The following WDSUB1 variants were observed in gnomAD, a reference collection of about 807,000 sequenced individuals.
The protein encoded by WDSUB1 is WD repeat, SAM and U-box domain-containing protein 1.
Under a neutral mutation model 53.9 loss-of-function variants are expected in WDSUB1, and 49 were observed. That is an observed-to-expected ratio of 0.91 (90% CI 0.72 to 1.15). WDSUB1 has a LOEUF of 1.15. WDSUB1 is among the 50% of genes most tolerant of loss of function. The pLI is 0.00. For missense variants in WDSUB1, 514 were observed against 562.0 expected, an observed-to-expected ratio of 0.91 and a Z score of 0.86; for synonymous variants, 194 against 200.6, an observed-to-expected ratio of 0.97 and a Z score of 0.28.
Position 159,236,134 on chromosome 2 carries a change from T to G in WDSUB1, c.1330A>C (p.Thr444Pro), listed in dbSNP as rs1208322392. Residue 444 changes from threonine (T) to proline (P), a missense_variant, in exon 11 of 11, where the codon ACA (threonine) becomes CCA (proline). Transcript: ENST00000359774. ...MENWISKKKRTSPMTNLVLPS... is the reference protein window; with the variant it reads ...MENWISKKKRPSPMTNLVLPS... ...AGAACAAGATTTGTCATGGGACTTGTACGTTTCTTTTTGCTGATCCAATTT... is the reference window on the plus strand; with the variant it reads ...AGAACAAGATTTGTCATGGGACTTGGACGTTTCTTTTTGCTGATCCAATTT... The G allele has an allele frequency of 1.2e-6, 2 of 1,613,824 alleles. No homozygotes were observed. Among genetic ancestry groups the G allele is most frequent in the Non-Finnish European group, 1.7e-6 (2 of 1,179,886 alleles).
chr2:159,242,486 C>T lies in WDSUB1; in HGVS notation c.1273+5886G>A, dbSNP rs188506851. Among the ~76,000 whole-genome samples, 10 of 147,000 alleles carry T rather than the reference C, an allele frequency of 6.8e-5. 1 individual carries two copies. In the East Asian group the frequency reaches 2.2e-3, roughly 32 times the overall value. ...GACCATCCTGGCTAACAAGGTGAAA[C>T]CCCATCTCTACTAAAAATACAAAAA... On this transcript the variant is annotated intron_variant, in intron 10 of 10. Coordinates refer to ENST00000359774, the MANE Select transcript of WDSUB1 (RefSeq NM_001128212.3).
intron 10 of WDSUB1, among the ~76,000 whole-genome samples, chr2:159,241,106 G>A (rs774195320): frequency 2.0e-5 from 3 of 152,148 alleles, no homozygotes; most frequent in Admixed American, 6.5e-5. Context: ...AACCCAACAC[G>A]GTGAAGGCTC....
chr2:159,284,413 T>C (rs2061743529), intron 1 of WDSUB1, among the ~76,000 whole-genome samples: 2 of 152,186 alleles, frequency 1.3e-5, no homozygotes, highest in South Asian at 4.1e-4. Flanking sequence ...TCTAATAAAC[T>C]ATCTTAGCTG....
At chr2:159,253,370 C>T (rs1366181470) in intron 9 of WDSUB1, among the ~76,000 whole-genome samples, 1 of 150,316 alleles carries the variant, frequency 6.7e-6, no homozygotes, top group Non-Finnish European at 1.5e-5. Flanking sequence ...CCTAGGCTTC[C>T]ATTAACACAA....
At chr2:159,254,746 A>G (rs2061024419) in intron 9 of WDSUB1, among the ~76,000 whole-genome samples, 1 of 152,240 alleles carries the variant, frequency 6.6e-6, no homozygotes, top group South Asian at 2.1e-4. Context: ...CAAGAAATTA[A>G]GATGCTAAAT....
chr2:159,237,173 C>T (rs2060504744), intron 10 of WDSUB1, among the ~76,000 whole-genome samples: 1 of 152,168 alleles, frequency 6.6e-6, no homozygotes, highest in Admixed American at 6.6e-5. Context: ...TCATCAAGGA[C>T]TAGAGTGGTC....
At chr2:159,268,222 T>C (rs10207982) in intron 5 of WDSUB1, among the ~76,000 whole-genome samples, 86,949 of 152,036 alleles carry the variant, frequency 0.57, 26,183 homozygotes, top group African/African-American at 0.72. Flanking sequence ...AAAGAGGGGA[T>C]TTAAAATGTC....
At chr2:159,280,859 C>A (rs554651562) in intron 2 of WDSUB1, among the ~76,000 whole-genome samples, 1 of 152,114 alleles carries the variant, frequency 6.6e-6, no homozygotes, top group South Asian at 2.1e-4. Flanking sequence ...CTGTTAAAAA[C>A]CCAACAATTA....
intron 9 of WDSUB1, among the ~76,000 whole-genome samples, chr2:159,253,159 T>C (rs2060986349): frequency 6.6e-6 from 1 of 152,212 alleles, no homozygotes; most frequent in Non-Finnish European, 1.5e-5. Context: ...TTCCTACTCT[T>C]AACCTTTCAC....
intron 10 of WDSUB1, among the ~76,000 whole-genome samples, chr2:159,247,910 AATATATATATATATAT>A (rs1300223913): frequency 5.7e-5 from 1 of 17,682 alleles, no homozygotes. Flanking sequence ...TATATATATA[AATATATATATATATAT>A]AAATATATAT....
At chr2:159,236,678 G>A (rs1159634309) in intron 10 of WDSUB1, among the ~76,000 whole-genome samples, 1 of 152,082 alleles carries the variant, frequency 6.6e-6, no homozygotes, top group Non-Finnish European at 1.5e-5. Context: ...TTTGTTTTGA[G>A]ACCAAGTCTC....
chr2:159,251,545 C>T (rs1277545646), intron 9 of WDSUB1, among the ~76,000 whole-genome samples: 1 of 152,164 alleles, frequency 6.6e-6, no homozygotes, highest in African/African-American at 2.4e-5. Flanking sequence ...CGGAACCAAA[C>T]ATCTCCTTTT....
chr2:159,241,377 C>T lies in WDSUB1; in HGVS notation c.1274-5187G>A, dbSNP rs551510329. ...AGGAGTTCAAGACCAGCCTGGCCAA[C>T]GTGGCAAAACCCTGTCTCTACTAAA... On this transcript the variant is annotated intron_variant, in intron 10 of 10. Transcript: ENST00000359774. Among the ~76,000 whole-genome samples the T allele has an allele frequency of 4.6e-5, 7 of 152,296 alleles. No individual in the cohort carries two copies. In the South Asian group the frequency reaches 8.3e-4, roughly 18 times the overall value.
At chr2:159,259,885 C>G in intron 5 of WDSUB1, 42 bp from the exon 6 acceptor site, 1 of 1,447,642 alleles carries the variant, frequency 6.9e-7, no homozygotes. Context: ...TCTATAAAAA[C>G]AAAGTACAGC....
At chr2:159,270,891 T>C (rs1167469930) in intron 5 of WDSUB1, among the ~76,000 whole-genome samples, 1 of 151,684 alleles carries the variant, frequency 6.6e-6, no homozygotes, top group South Asian at 2.1e-4. Context: ...AAGAAAAAGA[T>C]AACCTAGAGA....
intron 9 of WDSUB1, among the ~76,000 whole-genome samples, chr2:159,252,070 A>G (rs2151078040): frequency 6.6e-6 from 1 of 152,266 alleles, no homozygotes; most frequent in South Asian, 2.1e-4. Flanking sequence ...CCTCTCCCCT[A>G]CCCTGACAGA....
intron 2 of WDSUB1, among the ~76,000 whole-genome samples, chr2:159,281,205 A>C (rs1279810584): frequency 1.3e-5 from 2 of 152,138 alleles, no homozygotes. Flanking sequence ...ATGGTTTCTA[A>C]TGTACTTAAT....
intron 8 of WDSUB1, among the ~76,000 whole-genome samples, chr2:159,257,433 C>A (rs551421686): frequency 2.6e-4 from 39 of 148,830 alleles, no homozygotes; most frequent in African/African-American, 9.8e-4. Flanking sequence ...GTCGCCCAGG[C>A]TGGAGTGCAA....
chr2:159,246,542 ACT>A (rs2060801510), intron 10 of WDSUB1, among the ~76,000 whole-genome samples: 1 of 152,142 alleles, frequency 6.6e-6, no homozygotes, highest in Non-Finnish European at 1.5e-5. Context: ...AAACTGGAAG[ACT>A]CAGCTAGGAA....
Sources: gnomAD v4.1 joint callset for allele counts (sites outside exome capture counted in the v4.1 genomes callset) on GRCh38, gnomAD v4.1.1 for gene constraint, MANE v1.5 for transcripts, NCBI Gene and HGNC (gene_info 2026-07-23, HGNC 2026-07-21) for gene names.